Variants in LRRTM4 observed in about 807,000 individuals in gnomAD.
LRRTM4 encodes the protein leucine-rich repeat transmembrane neuronal protein 4.
LRRTM4 carries 25 observed loss-of-function variants against 47.6 expected under a neutral mutation model. The ratio of observed to expected loss-of-function variants is 0.53; its 90% CI spans 0.38 to 0.73. LRRTM4 has a LOEUF of 0.73. Among genes scored for constraint, LRRTM4 ranks in the 30% least tolerant of loss-of-function variants. LRRTM4 has a pLI of 0.00. For synonymous variants in LRRTM4, 311 were observed against 269.5 expected (o/e 1.15, Z -1.51); for missense variants, 638 against 713.4 (o/e 0.89, Z 1.20).
At chr2:77,084,230 C>T (rs542654542) in intron 3 of LRRTM4, among the ~76,000 whole-genome samples, 14 of 152,292 alleles carry the variant, frequency 9.2e-5, no homozygotes, top group African/African-American at 2.2e-4. Context: ...CCTTGTCTTT[C>T]GCTCATCTTC....
chr2:76,937,107 A>T (rs1674980977), intron 3 of LRRTM4, among the ~76,000 whole-genome samples: 1 of 152,046 alleles, frequency 6.6e-6, no homozygotes, highest in African/African-American at 2.4e-5. Context: ...ATACAGAGAT[A>T]GAAAAAACTA....
At chr2:77,100,029 T>C (rs1670911654) in intron 3 of LRRTM4, among the ~76,000 whole-genome samples, 1 of 152,146 alleles carries the variant, frequency 6.6e-6, no homozygotes, top group African/African-American at 2.4e-5. Flanking sequence ...AGCTACTGAT[T>C]GATTTTTCTC....
At chr2:76,861,501 C>T (rs1409243682) in intron 3 of LRRTM4, among the ~76,000 whole-genome samples, 1 of 152,074 alleles carries the variant, frequency 6.6e-6, no homozygotes, top group Non-Finnish European at 1.5e-5. Context: ...CTATTGTGAG[C>T]AGTACTTTGC....
intron 3 of LRRTM4, among the ~76,000 whole-genome samples, chr2:77,378,671 C>G (rs1672931836): frequency 6.6e-6 from 1 of 152,126 alleles, no homozygotes; most frequent in South Asian, 2.1e-4. Context: ...CTTATGTCCT[C>G]CACCAGCCCA....
In LRRTM4 at chr2:77,031,720, TCTAA is replaced by T. The variant is rs199989618; in HGVS notation, c.1552-282808_1552-282805del. On this transcript the variant is annotated intron_variant, in intron 3 of 3. Transcript: ENST00000409884. ...AGTCAATAATGAACACCATGTGATC[TCTAA>T]CTATATCTTTGTGTGTGCGTGTGTG... 1.6e-3 allele frequency among the ~76,000 whole-genome samples: 227 copies of T among 141,942 alleles called. 1 individual carries two copies. The highest frequency in any genetic ancestry group is 5.1e-3 in the African/African-American group (206 of 40,250). 93.1% of individuals were successfully genotyped at this position (141,942 alleles called of 152,430 possible).
At chr2:76,968,881 G>A (rs1017176466) in intron 3 of LRRTM4, among the ~76,000 whole-genome samples, 4 of 151,716 alleles carry the variant, frequency 2.6e-5, no homozygotes, top group Non-Finnish European at 4.4e-5. Context: ...CAGTCCCAGA[G>A]CTTTGTTGTC....
rs1402587382 is a variant in LRRTM4 at position 77,518,471 on chromosome 2, C to T, written c.1398G>A (p.Arg466=). The stretch of plus-strand genomic sequence containing the variant: ...TTTCAGACTCTCTGGCCTTTTTCCG[C>T]CGCCTCTTCATAAGAGAGTGTTGCT... The part of the protein sequence containing the change: ...QLQQHSLMKR[R]RKKARESERQ... Residue 466 remains arginine, a synonymous_variant, in exon 3 of 4, where the codon CGG becomes CGA. Transcript: ENST00000409884. The T allele has an allele frequency of 2.5e-6, 4 of 1,613,254 alleles. No individual in the cohort carries two copies. Among genetic ancestry groups the T allele is most frequent in the Non-Finnish European group, 3.4e-6 (4 of 1,179,638 alleles).
chr2:76,869,079 G>T (rs796864129), intron 3 of LRRTM4, among the ~76,000 whole-genome samples: 1 of 151,558 alleles, frequency 6.6e-6, no homozygotes, highest in African/African-American at 2.4e-5. Flanking sequence ...GGGAGGCCGA[G>T]GTGAGCAGAT....
chr2:77,181,826 A>T (rs1673354290), intron 3 of LRRTM4, among the ~76,000 whole-genome samples: 1 of 152,178 alleles, frequency 6.6e-6, no homozygotes, highest in Non-Finnish European at 1.5e-5. Context: ...AAAAAAGCTC[A>T]ACCTCACTGA....
intron 2 of LRRTM4, 88 bp downstream of exon 2, chr2:77,521,580 C>T (rs1440338412): frequency 6.7e-7 from 1 of 1,502,206 alleles, no homozygotes; most frequent in Non-Finnish European, 9.2e-7. Flanking sequence ...GCCTGTTTCC[C>T]CGTCTTTTAT....
intron 3 of LRRTM4, among the ~76,000 whole-genome samples, chr2:77,210,043 T>C (rs746469309): frequency 3.3e-5 from 5 of 152,214 alleles, no homozygotes; most frequent in Non-Finnish European, 5.9e-5. Context: ...TGTCAGACAC[T>C]ACATCAATGC....
intron 3 of LRRTM4, among the ~76,000 whole-genome samples, chr2:76,969,000 T>C (rs1403271868): frequency 6.6e-6 from 1 of 151,914 alleles, no homozygotes; most frequent in Non-Finnish European, 1.5e-5. Flanking sequence ...GCTGCCTTTA[T>C]TGGCCTCCCA....
At chr2:77,332,695 C>T (rs530021520) in intron 3 of LRRTM4, among the ~76,000 whole-genome samples, 1 of 152,278 alleles carries the variant, frequency 6.6e-6, no homozygotes, top group African/African-American at 2.4e-5. Context: ...AAATCTATTA[C>T]ATATTTTTAA....
chr2:77,202,120 T>A (rs1018837221), intron 3 of LRRTM4, among the ~76,000 whole-genome samples: 4 of 152,134 alleles, frequency 2.6e-5, no homozygotes, highest in African/African-American at 9.7e-5. Context: ...ACCAGGAATG[T>A]TGTCAGTAAC....
chr2:77,091,570 C>CT (rs1670642550), intron 3 of LRRTM4, among the ~76,000 whole-genome samples: 1 of 147,912 alleles, frequency 6.8e-6, no homozygotes, highest in African/African-American at 2.6e-5. Flanking sequence ...CCCATATACT[C>CT]TCCTATCCTC....
At chr2:77,015,930 A>G (rs1678052432) in intron 3 of LRRTM4, among the ~76,000 whole-genome samples, 1 of 152,062 alleles carries the variant, frequency 6.6e-6, no homozygotes, top group African/African-American at 2.4e-5. Context: ...CAGCCTGGCC[A>G]ACATAGCGAA....
intron 3 of LRRTM4, among the ~76,000 whole-genome samples, chr2:77,368,936 C>G (rs1363176764): frequency 6.6e-6 from 1 of 151,714 alleles, no homozygotes; most frequent in African/African-American, 2.4e-5. Context: ...TTGATAATGG[C>G]TTCACCAATC....
chr2:77,503,504 G>A (rs1678651206), intron 3 of LRRTM4, among the ~76,000 whole-genome samples: 1 of 151,658 alleles, frequency 6.6e-6, no homozygotes, highest in South Asian at 2.1e-4. Flanking sequence ...ATAAGAAGCT[G>A]GCATATATTT....
rs560139140 is a variant in LRRTM4 at position 76,774,299 on chromosome 2, C to G, written c.1552-25383G>C. On this transcript the variant is annotated intron_variant, in intron 3 of 3. Coordinates refer to ENST00000409884, the MANE Select transcript of LRRTM4 (RefSeq NM_001134745.3). ...TTCTGACTCCCCGGTTCAAGCAATT[C>G]TCCTGCCTCAACCTCCCTAGTAGCT... 2.0e-5 allele frequency among the ~76,000 whole-genome samples: 3 copies of G among 151,978 alleles called. No homozygotes were observed. The South Asian group carries it at 6.2e-4, about 32-fold the overall frequency.
Sources: allele counts gnomAD v4.1 joint callset (sites outside exome capture counted in the v4.1 genomes callset), GRCh38; gene constraint gnomAD v4.1.1; transcripts MANE v1.5; gene names NCBI Gene and HGNC (gene_info 2026-07-23, HGNC 2026-07-21).